The following SNAP91 variants were observed in gnomAD, a reference collection of about 807,000 sequenced individuals.
SNAP91 encodes the protein clathrin coat assembly protein AP180.
SNAP91 carries 27 observed loss-of-function variants against 100.3 expected under a neutral mutation model. That is an observed-to-expected ratio of 0.27 (90% CI 0.20 to 0.37). SNAP91 has a LOEUF of 0.37. Ranked by LOEUF, SNAP91 falls within the 10% of genes least tolerant of loss-of-function variation. SNAP91 has a pLI of 1.00. For missense variants in SNAP91, 986 were observed against 1,123.7 expected (o/e 0.88, Z 1.75); for synonymous variants, 404 against 398.6 (o/e 1.01, Z -0.16).
chr6:83,644,413 C>A lies in SNAP91; in HGVS notation c.659-3211G>T, dbSNP rs527949898. On this transcript the variant is annotated intron_variant, in intron 7 of 29. Transcript: ENST00000369694. Reference sequence around the variant, plus strand: ...GCTAATGAGACTCCCCTGTCCAGACCAGTGCAGGGCCTAAAAAAACTGGCA... The same window carrying A: ...GCTAATGAGACTCCCCTGTCCAGACAAGTGCAGGGCCTAAAAAAACTGGCA... Among the ~76,000 whole-genome samples, 151 of 152,210 alleles carry A rather than the reference C, an allele frequency of 9.9e-4. 1 individual carries two copies. Among genetic ancestry groups the A allele is most frequent in the African/African-American group, 3.4e-3 (143 of 41,538 alleles).
chr6:83,705,485 C>T (rs2099364267), intron 2 of SNAP91, among the ~76,000 whole-genome samples: 2 of 152,022 alleles, frequency 1.3e-5, no homozygotes, highest in Admixed American at 1.3e-4. Flanking sequence ...CTACAGATGG[C>T]AGTTAAGTGT....
chr6:83,619,002 CAAAACAAAACAAA>C (rs980474271), intron 9 of SNAP91, among the ~76,000 whole-genome samples: 10 of 150,548 alleles, frequency 6.6e-5, no homozygotes, highest in African/African-American at 2.2e-4. Context: ...TAAAACAAAA[CAAAACAAAACAAA>C]AAAACAAAAC....
chr6:83,575,861 A>C lies in SNAP91; in HGVS notation c.2330+162T>G, dbSNP rs1817868048. On this transcript the variant is annotated intron_variant, in intron 25 of 29. Transcript: ENST00000369694. ...GCAACAGTTTGGAGCTTCCAGTAGA[A>C]TAACAACAAAAATCTGGGATGAAAT... 1.1e-4 allele frequency among the ~76,000 whole-genome samples: 16 copies of C among 152,374 alleles called. 1 individual carries two copies. The South Asian group carries it at 3.3e-3, about 32-fold the overall frequency.
At chr6:83,639,954 GA>G (rs1478121104) in intron 8 of SNAP91, among the ~76,000 whole-genome samples, 1 of 151,942 alleles carries the variant, frequency 6.6e-6, no homozygotes, top group Non-Finnish European at 1.5e-5. Flanking sequence ...AGCAGCAAAA[GA>G]AAAAATTTTA....
intron 10 of SNAP91, 148 bp downstream of exon 10, chr6:83,616,821 A>T (rs2096511060): frequency 3.9e-6 from 2 of 518,390 alleles, no homozygotes; most frequent in Admixed American, 6.9e-5. Context: ...GTTAATAGGA[A>T]GAGTAGGGGT....
chr6:83,591,672 CT>C, intron 21 of SNAP91, among the ~76,000 whole-genome samples: 1 of 152,050 alleles, frequency 6.6e-6, no homozygotes, highest in Non-Finnish European at 1.5e-5. Flanking sequence ...AATTAATAAA[CT>C]TAATTCAAGG....
At chr6:83,630,483 A>AT (rs2097161679) in intron 8 of SNAP91, among the ~76,000 whole-genome samples, 1 of 151,798 alleles carries the variant, frequency 6.6e-6, no homozygotes, top group Non-Finnish European at 1.5e-5. Flanking sequence ...AGTCCTGGGC[A>AT]TTTTTTTGTT....
intron 2 of SNAP91, among the ~76,000 whole-genome samples, chr6:83,673,119 A>G (rs890251028): frequency 6.6e-6 from 1 of 152,162 alleles, no homozygotes; most frequent in African/African-American, 2.4e-5. Flanking sequence ...GCTTATATAT[A>G]TATGCAAGAT....
chr6:83,611,082 T>C (rs983829245), intron 11 of SNAP91, among the ~76,000 whole-genome samples: 8 of 152,052 alleles, frequency 5.3e-5, no homozygotes, highest in Non-Finnish European at 1.0e-4. Context: ...TTTGCAGAAT[T>C]ATGACAAACC....
At chr6:83,613,908 T>A (rs1377941740) in intron 11 of SNAP91, among the ~76,000 whole-genome samples, 2 of 152,174 alleles carry the variant, frequency 1.3e-5, no homozygotes, top group Non-Finnish European at 2.9e-5. Context: ...TGAACCATGT[T>A]GGAAAAACAA....
Position 83,614,837 on chromosome 6 carries a change from T to G in SNAP91, c.884+20A>C. The G allele has an allele frequency of 1.3e-6, 2 of 1,562,958 alleles. No individual in the cohort carries two copies. Among genetic ancestry groups the G allele is most frequent in the Non-Finnish European group, 1.7e-6 (2 of 1,160,142 alleles). ...TTAGTAATTACCAAATGCAAAAAAC[T>G]CACTCCATACAGTACTCACCCTTCA... On this transcript the variant is annotated intron_variant, in intron 11 of 29. Coordinates refer to ENST00000369694, the MANE Select transcript of SNAP91 (RefSeq NM_001242792.2).
At chr6:83,599,075 A>G (rs947088163) in intron 16 of SNAP91, among the ~76,000 whole-genome samples, 13 of 152,194 alleles carry the variant, frequency 8.5e-5, no homozygotes, top group Non-Finnish European at 1.8e-4. Context: ...TCTCTGCAGT[A>G]CTCATCCTTT....
At chr6:83,593,397 C>A (rs1305824689) in intron 18 of SNAP91, 81 bp downstream of exon 18, 1 of 1,524,366 alleles carries the variant, frequency 6.6e-7, no homozygotes, top group African/African-American at 1.4e-5. Context: ...TTTAATTACA[C>A]AGTCTTCATG....
chr6:83,705,932 T>C (rs1388506872), intron 2 of SNAP91, among the ~76,000 whole-genome samples: 1 of 152,228 alleles, frequency 6.6e-6, no homozygotes, highest in African/African-American at 2.4e-5. Context: ...TCAGCTCTTA[T>C]GACCATTCAT....
intron 14 of SNAP91, among the ~76,000 whole-genome samples, chr6:83,603,557 G>A (rs2095420153): frequency 6.6e-6 from 1 of 151,230 alleles, no homozygotes; most frequent in Non-Finnish European, 1.5e-5. Flanking sequence ...AAATCAGTGA[G>A]TTCGTTTTAC....
Position 83,596,432 on chromosome 6 carries a change from G to A in SNAP91, c.1325-1951C>T, listed in dbSNP as rs536589529. ...ATGTTGGGAGGGCTGTAAATATTTT[G>A]CCATGAGTCAGGTCAGTTGTTTTAT... On this transcript the variant is annotated intron_variant, in intron 16 of 29. Transcript: ENST00000369694. Among the ~76,000 whole-genome samples the A allele has an allele frequency of 3.3e-5, 5 of 152,142 alleles. No homozygotes were observed. In the South Asian group the frequency reaches 6.2e-4, roughly 19 times the overall value.
chr6:83,647,666 A>G (rs754833184), intron 7 of SNAP91, among the ~76,000 whole-genome samples: 50 of 152,146 alleles, frequency 3.3e-4, no homozygotes, highest in Non-Finnish European at 6.0e-4. Flanking sequence ...AATTTTAAAT[A>G]AAATCTACTG....
chr6:83,560,822 T>C, intron 27 of SNAP91, 42 bp downstream of exon 27: 1 of 1,536,054 alleles, frequency 6.5e-7, no homozygotes, highest in Non-Finnish European at 9.0e-7. Context: ...GCAAATTATT[T>C]AGAAATGTTG....
chr6:83,700,372 G>C (rs2099276106), intron 2 of SNAP91, among the ~76,000 whole-genome samples: 2 of 152,128 alleles, frequency 1.3e-5, no homozygotes, highest in East Asian at 3.9e-4. Context: ...ATGTGGAATT[G>C]TTATACTGGT....
Sources: allele counts gnomAD v4.1 joint callset (sites outside exome capture counted in the v4.1 genomes callset), GRCh38; gene constraint gnomAD v4.1.1; transcripts MANE v1.5; gene names NCBI Gene and HGNC (gene_info 2026-07-23, HGNC 2026-07-21).